PDE4B: variants seen among roughly 807,000 people sequenced by gnomAD.
PDE4B encodes the protein 3',5'-cyclic-AMP phosphodiesterase 4B.
In PDE4B, 20 loss-of-function variants were observed where a neutral mutation model predicts 82.2. That is an observed-to-expected ratio of 0.24 (90% CI 0.17 to 0.35). The LOEUF (loss-of-function observed/expected upper bound fraction) is 0.35. PDE4B is among the 10% of genes least tolerant of loss of function. The pLI, the probability that PDE4B is intolerant of heterozygous loss-of-function variation, is 1.00. For missense variants in PDE4B, 655 were observed against 907.2 expected (o/e 0.72, Z 3.57); for synonymous variants, 320 against 318.9 (o/e 1.00, Z -0.04).
chr1:65,976,894 A>T (rs1461580837), intron 3 of PDE4B, among the ~76,000 whole-genome samples: 6 of 152,190 alleles, frequency 3.9e-5, no homozygotes, highest in Admixed American at 3.3e-4. Context: ...AGTCTTAGGT[A>T]GTTCTTTATA....
At chr1:66,354,665 C>T (rs1233568647) in intron 8 of PDE4B, 7 of 1,399,198 alleles carry the variant, frequency 5.0e-6, no homozygotes, top group South Asian at 4.9e-5. Context: ...GAATGGAGTG[C>T]GAAGATGGGC....
At chr1:66,357,353 T>C (rs1019946226) in intron 9 of PDE4B, among the ~76,000 whole-genome samples, 2 of 152,118 alleles carry the variant, frequency 1.3e-5, no homozygotes, top group Non-Finnish European at 2.9e-5. Context: ...ATCACCATAG[T>C]CTACCAAGAA....
At chr1:65,806,381 CACTT>C (rs1298898602) in intron 1 of PDE4B, among the ~76,000 whole-genome samples, 15 of 152,114 alleles carry the variant, frequency 9.9e-5, no homozygotes, top group Non-Finnish European at 1.8e-4. Context: ...GTTTTCTAAT[CACTT>C]ACACAATTAA....
At chr1:65,981,790 A>G (rs1569878786) in intron 3 of PDE4B, among the ~76,000 whole-genome samples, 1 of 152,162 alleles carries the variant, frequency 6.6e-6, no homozygotes, top group East Asian at 1.9e-4. Context: ...CTCAATAAAT[A>G]ATGGTTATTA....
chr1:65,858,714 T>G (rs997547183), intron 1 of PDE4B, among the ~76,000 whole-genome samples: 1 of 152,210 alleles, frequency 6.6e-6, no homozygotes, highest in Non-Finnish European at 1.5e-5. Context: ...TCTGTCTATA[T>G]CTTCTGGTTA....
intron 3 of PDE4B, among the ~76,000 whole-genome samples, chr1:66,146,422 G>C (rs746345194): frequency 6.6e-6 from 1 of 152,002 alleles, no homozygotes; most frequent in African/African-American, 2.4e-5. Flanking sequence ...CTGACCTTGT[G>C]ATCTGCCCAT....
chr1:65,907,293 T>C (rs1189057818), intron 1 of PDE4B, among the ~76,000 whole-genome samples: 1 of 152,186 alleles, frequency 6.6e-6, no homozygotes, highest in Non-Finnish European at 1.5e-5. Flanking sequence ...TAATATTTTA[T>C]GTATCAAATT....
At chr1:65,920,532 A>C (rs764213339) in intron 3 of PDE4B, among the ~76,000 whole-genome samples, 2 of 152,220 alleles carry the variant, frequency 1.3e-5, no homozygotes, top group East Asian at 3.8e-4. Flanking sequence ...CATTTGGGGC[A>C]TGCTTGTTTC....
At chr1:66,228,464 A>G (rs1651646209) in intron 3 of PDE4B, among the ~76,000 whole-genome samples, 1 of 152,022 alleles carries the variant, frequency 6.6e-6, no homozygotes, top group Admixed American at 6.6e-5. Context: ...CTCTACTAAA[A>G]ATACAAAAAA....
chr1:65,894,949 T>C (rs1438280961), intron 1 of PDE4B, among the ~76,000 whole-genome samples: 1 of 152,186 alleles, frequency 6.6e-6, no homozygotes, highest in Non-Finnish European at 1.5e-5. Context: ...CAAAGTAGTT[T>C]AGCCATGTTG....
chr1:66,086,491 C>T (rs2100977067), intron 3 of PDE4B, among the ~76,000 whole-genome samples: 1 of 152,276 alleles, frequency 6.6e-6, no homozygotes, highest in Non-Finnish European at 1.5e-5. Flanking sequence ...TGATAGCCCA[C>T]ACTCTCTTAT....
intron 1 of PDE4B, among the ~76,000 whole-genome samples, chr1:65,835,636 T>C (rs1646131479): frequency 6.6e-6 from 1 of 152,200 alleles, no homozygotes; most frequent in Admixed American, 6.5e-5. Context: ...GCATCAACTT[T>C]TGACCAGTTT....
intron 1 of PDE4B, among the ~76,000 whole-genome samples, chr1:65,885,693 A>G (rs886833332): frequency 6.6e-6 from 1 of 151,740 alleles, no homozygotes; most frequent in Non-Finnish European, 1.5e-5. Flanking sequence ...GGGGAACATC[A>G]CACACTGGGG....
At chr1:66,143,930 T>C (rs1646221700) in intron 3 of PDE4B, among the ~76,000 whole-genome samples, 1 of 152,254 alleles carries the variant, frequency 6.6e-6, no homozygotes, top group Admixed American at 6.5e-5. Flanking sequence ...AAGAGCTTGG[T>C]TGAGTATCTG....
intron 1 of PDE4B, among the ~76,000 whole-genome samples, chr1:65,834,425 T>C (rs571696530): frequency 6.6e-6 from 1 of 152,240 alleles, no homozygotes; most frequent in Non-Finnish European, 1.5e-5. Flanking sequence ...TCTTACACAG[T>C]AAAACTTAAA....
intron 3 of PDE4B, 116 bp from the exon 4 acceptor site, chr1:66,247,342 TAC>T (rs1653394486): frequency 1.8e-6 from 1 of 566,754 alleles, no homozygotes; most frequent in African/African-American, 1.9e-5. Flanking sequence ...CCATAGTACA[TAC>T]AGTTTTATGT....
chr1:66,339,302 T>C (rs1281645770), intron 8 of PDE4B, among the ~76,000 whole-genome samples: 5 of 152,248 alleles, frequency 3.3e-5, no homozygotes, highest in Admixed American at 6.5e-5. Context: ...AATGGAGTTG[T>C]ATTAGTGAGT....
At chr1:66,205,309 G>A (rs574009) in intron 3 of PDE4B, among the ~76,000 whole-genome samples, 70,547 of 151,972 alleles carry the variant, frequency 0.46, 16,578 homozygotes, top group African/African-American at 0.53. Flanking sequence ...AAGAGGCTGA[G>A]CAAACTTTGT....
At chr1:66,158,322 T>C (rs1340952638) in intron 3 of PDE4B, among the ~76,000 whole-genome samples, 2 of 152,036 alleles carry the variant, frequency 1.3e-5, no homozygotes, top group African/African-American at 2.4e-5. Flanking sequence ...TGACAAGGGG[T>C]TAATATCCAG....
Sources: gnomAD v4.1 joint callset for allele counts (sites outside exome capture counted in the v4.1 genomes callset) on GRCh38, gnomAD v4.1.1 for gene constraint, MANE v1.5 for transcripts, NCBI Gene and HGNC (gene_info 2026-07-23, HGNC 2026-07-21) for gene names.